The following PLA2G2F variants were observed in gnomAD, a reference collection of about 807,000 sequenced individuals.
The protein encoded by PLA2G2F is phospholipase A2 group IIF, also known as group IIF secretory phospholipase A2.
Under a neutral mutation model 15.9 loss-of-function variants are expected in PLA2G2F, and 17 were observed. The observed-to-expected ratio is 1.07, with a 90% CI of 0.73 to 1.60. PLA2G2F has a LOEUF of 1.60. Among genes scored for constraint, PLA2G2F ranks in the 40% most tolerant of loss-of-function variants. PLA2G2F has a pLI of 0.00. For synonymous variants in PLA2G2F, 119 were observed against 106.5 expected (o/e 1.12, Z -0.72); for missense variants, 299 against 278.2 (o/e 1.07, Z -0.53).
At chr1:20,148,151 C>T (rs754096679) in intron 4 of PLA2G2F, 39 bp from the exon 5 acceptor site, 2 of 1,537,158 alleles carry the variant, frequency 1.3e-6, no homozygotes, top group East Asian at 2.2e-5. Context: ...AGCTGCTGCC[C>T]CTTTCATCCA....
At chr1:20,141,915 G>A (rs1481302747) in intron 2 of PLA2G2F, 1 of 152,214 alleles carries the variant, frequency 6.6e-6, no homozygotes, top group Non-Finnish European at 1.5e-5. Flanking sequence ...GGAGAACAGA[G>A]CCCCAGGGAG....
chr1:20,145,487 G>A (rs576014004), intron 4 of PLA2G2F, among the ~76,000 whole-genome samples: 42 of 151,946 alleles, frequency 2.8e-4, no homozygotes, highest in African/African-American at 8.9e-4. Flanking sequence ...TCACCATGTT[G>A]GCTAGGATGG....
chr1:20,148,421 A>G lies in PLA2G2F; in HGVS notation c.*20A>G. On this transcript the variant is annotated 3_prime_UTR_variant, in exon 5 of 5. Coordinates refer to ENST00000375102, the MANE Select transcript of PLA2G2F (RefSeq NM_022819.4). The stretch of plus-strand genomic sequence containing the variant: ...CCCTAGAGCCTCTGAGGTTTGAGAG[A>G]GAGAGCGGGAGGAGGGTCTGGCTTG... 6.3e-7 allele frequency: 1 copy of G among 1,589,952 alleles called. No individual in the cohort carries two copies. The highest frequency in any genetic ancestry group is 8.6e-7 in the Non-Finnish European group (1 of 1,159,822).
intron 2 of PLA2G2F, 100 bp from the exon 3 acceptor site, chr1:20,143,346 G>GAATAC: frequency 7.0e-7 from 1 of 1,433,576 alleles, no homozygotes; most frequent in East Asian, 2.3e-5. Context: ...ACCTACCCTA[G>GAATAC]GTATTGGGAG....
At chr1:20,142,317 C>A (rs1395296878) in intron 2 of PLA2G2F, 1 of 152,350 alleles carries the variant, frequency 6.6e-6, no homozygotes, top group Non-Finnish European at 1.5e-5. Context: ...GGCTCTGCCC[C>A]CTCCAGCCTG....
At chr1:20,145,448 C>A (rs772590770) in intron 4 of PLA2G2F, among the ~76,000 whole-genome samples, 1 of 151,656 alleles carries the variant, frequency 6.6e-6, no homozygotes, top group Non-Finnish European at 1.5e-5. Context: ...TGCCCAGCTA[C>A]TTTTTAAATT....
In PLA2G2F at chr1:20,148,298, A is replaced by G. The variant is rs901596414; in HGVS notation, c.533A>G (p.Asn178Ser). The G allele has an allele frequency of 1.9e-6, 3 of 1,613,870 alleles. No homozygotes were observed. Among genetic ancestry groups the G allele is most frequent in the Admixed American group, 1.7e-5 (1 of 59,994 alleles). Residue 178 changes from asparagine (N) to serine (S), a missense_variant, in exon 5 of 5, where the codon AAT becomes AGT. Transcript: ENST00000375102. Reference protein sequence around the residue: ...TYREEYRGFLNVYCQGPTPNC... With the variant: ...TYREEYRGFLSVYCQGPTPNC... The stretch of plus-strand genomic sequence containing the variant: ...CGAGAGGAGTACCGTGGCTTCCTCA[A>G]TGTCTACTGCCAGGGCCCCACGCCC...
In PLA2G2F at chr1:20,139,535, A is replaced by G; in HGVS notation, c.108A>G (p.Arg36=). 1.9e-6 allele frequency: 3 copies of G among 1,540,860 alleles called. No individual in the cohort carries two copies. The highest frequency in any genetic ancestry group is 1.8e-6 in the Non-Finnish European group (2 of 1,141,824). Residue 36 remains arginine (R), a synonymous_variant, in exon 1 of 5, where the codon AGA becomes AGG. Coordinates refer to ENST00000375102, the MANE Select transcript of PLA2G2F (RefSeq NM_022819.4). ...GPRFGASCPS[R]TSRSSLGMKK... ...GCTTCGGGGCCTCCTGTCCTTCAAGAACCTCCAGGTAGGTGCCTGTTGCCC... is the reference window on the plus strand; with the variant it reads ...GCTTCGGGGCCTCCTGTCCTTCAAGGACCTCCAGGTAGGTGCCTGTTGCCC...
rs757488686 is a variant in PLA2G2F, at chr1:20,148,158, T to C, written c.425-32T>C. On this transcript the variant is annotated intron_variant, in intron 4 of 4. Coordinates refer to ENST00000375102, the MANE Select transcript of PLA2G2F (RefSeq NM_022819.4). The stretch of plus-strand genomic sequence containing the variant: ...CCTGGGGGAGCTGCTGCCCCTTTCA[T>C]CCACAGCCTTTGCCACCCCATCCCC... The C allele has an allele frequency of 7.0e-6, 11 of 1,578,630 alleles. No individual in the cohort carries two copies. In the East Asian group the frequency reaches 2.5e-4, roughly 35 times the overall value.
chr1:20,143,334 C>T (rs2017515072), intron 2 of PLA2G2F, 112 bp from the exon 3 acceptor site: 2 of 1,372,488 alleles, frequency 1.5e-6, no homozygotes, highest in African/African-American at 2.9e-5. Context: ...CTTCCTTCTC[C>T]CACCTACCCT....
chr1:20,140,432 G>A (rs999103906), intron 2 of PLA2G2F: 2 of 551,880 alleles, frequency 3.6e-6, no homozygotes, highest in South Asian at 2.3e-5. Context: ...GCCCTGGGGG[G>A]CAGGGCGCAG....
chr1:20,144,091 C>G (rs1242963423), intron 3 of PLA2G2F: 2 of 190,172 alleles, frequency 1.1e-5, no homozygotes, highest in African/African-American at 4.7e-5. Flanking sequence ...CTTCACGCCC[C>G]CAGAGGTGAT....
Position 20,150,339 on chromosome 1 carries a change from C to T in PLA2G2F, c.*1938C>T, listed in dbSNP as rs1008904607. The T allele has an allele frequency of 7.2e-5, 11 of 152,404 alleles. No individual in the cohort carries two copies. Among genetic ancestry groups the T allele is most frequent in the African/African-American group, 2.4e-4 (10 of 41,468 alleles). 9.4% of individuals were successfully genotyped at this position (152,404 alleles called of 1,614,324 possible). A position where few individuals can be genotyped will look rare whatever the true frequency, so the allele number is the denominator to read the frequency against. On this transcript the variant is annotated 3_prime_UTR_variant, in exon 5 of 5. Coordinates refer to ENST00000375102, the MANE Select transcript of PLA2G2F (RefSeq NM_022819.4). The stretch of plus-strand genomic sequence containing the variant: ...CAGCTCCTGGATAATCTCCACAGGA[C>T]TCGGCTTCCTCTCCTCAAATGAATA...
intron 4 of PLA2G2F, among the ~76,000 whole-genome samples, chr1:20,147,770 C>T (rs1272953055): frequency 3.3e-5 from 5 of 152,150 alleles, no homozygotes; most frequent in Non-Finnish European, 4.4e-5. Context: ...CTTCACTGGG[C>T]GTTCTTTGAT....
In PLA2G2F at chr1:20,148,288, G is replaced by C. The variant is rs1306228903; in HGVS notation, c.523G>C (p.Gly175Arg). Reference protein sequence around the residue: ...MNQTYREEYRGFLNVYCQGPT... With the variant: ...MNQTYREEYRRFLNVYCQGPT... ...CCAGACGTACCGAGAGGAGTACCGT[G>C]GCTTCCTCAATGTCTACTGCCAGGG... is the stretch of plus-strand genomic sequence containing the variant. Residue 175 changes from glycine (G) to arginine (R), a missense_variant, in exon 5 of 5, where the codon GGC becomes CGC. Coordinates refer to ENST00000375102, the MANE Select transcript of PLA2G2F (RefSeq NM_022819.4). The C allele has an allele frequency of 1.9e-6, 3 of 1,614,034 alleles. No individual in the cohort carries two copies. The South Asian group carries it at 3.3e-5, about 18-fold the overall frequency.
At chr1:20,146,061 C>T (rs867973259) in intron 4 of PLA2G2F, among the ~76,000 whole-genome samples, 1 of 152,354 alleles carries the variant, frequency 6.6e-6, no homozygotes, top group South Asian at 2.1e-4. Context: ...TCTCCTGTCC[C>T]CCAAATTCTG....
intron 2 of PLA2G2F, chr1:20,142,745 C>G (rs984942477): frequency 1.3e-5 from 2 of 152,290 alleles, no homozygotes; most frequent in Non-Finnish European, 2.9e-5. Flanking sequence ...TCTTCATTAG[C>G]GATCAGAGCA....
intron 4 of PLA2G2F, among the ~76,000 whole-genome samples, chr1:20,144,926 A>C (rs1806976): frequency 0.14 from 20,824 of 152,128 alleles, 1,555 homozygotes; most frequent in Middle Eastern, 0.17. Context: ...AAAATACAAA[A>C]ATTAGCTGGG....
intron 2 of PLA2G2F, 140 bp from the exon 3 acceptor site, chr1:20,143,306 T>C: frequency 8.8e-7 from 1 of 1,133,432 alleles, no homozygotes; most frequent in Non-Finnish European, 1.3e-6. Flanking sequence ...TTGCCCCAGC[T>C]TCCTCTCCTG....
Sources: allele counts gnomAD v4.1 joint callset (sites outside exome capture counted in the v4.1 genomes callset), GRCh38; gene constraint gnomAD v4.1.1; transcripts MANE v1.5; gene names NCBI Gene and HGNC (gene_info 2026-07-23, HGNC 2026-07-21).